The following SEMA4D variants were observed in gnomAD, a reference collection of about 807,000 sequenced individuals.
The protein encoded by SEMA4D is semaphorin 4D.
A neutral mutation model predicts 74.8 loss-of-function variants in SEMA4D; 22 were observed. The ratio of observed to expected loss-of-function variants is 0.29; its 90% CI spans 0.21 to 0.42. The LOEUF (loss-of-function observed/expected upper bound fraction) is 0.42, where lower values mean the gene tolerates loss of function less well. SEMA4D is among the 10% of genes least tolerant of loss of function. The pLI is 1.00. For missense variants in SEMA4D, 937 were observed against 1,118.4 expected (o/e 0.84, Z 2.31); for synonymous variants, 445 against 463.7 (o/e 0.96, Z 0.52).
intron 2 of SEMA4D, chr9:89,418,470 A>G (rs1241452789): frequency 2.1e-6 from 2 of 958,178 alleles, no homozygotes; most frequent in African/African-American, 1.8e-5. Flanking sequence ...CTAATTGTCT[A>G]TTAGCTCCAG....
At chr9:89,399,887 A>T (rs1322725619) in intron 4 of SEMA4D, among the ~76,000 whole-genome samples, 1 of 151,484 alleles carries the variant, frequency 6.6e-6, no homozygotes, top group African/African-American at 2.4e-5. Context: ...AATCCCAGCT[A>T]CTCGAGAGGC....
downstream of SEMA4D, among the ~76,000 whole-genome samples, chr9:89,374,611 T>C (rs1294144636): frequency 6.6e-6 from 1 of 152,216 alleles, no homozygotes; most frequent in Non-Finnish European, 1.5e-5. Context: ...TTAAATGCCC[T>C]GTGGTTGAAA....
intron 2 of SEMA4D, among the ~76,000 whole-genome samples, chr9:89,453,682 G>C (rs58635427): frequency 0.041 from 6,166 of 152,214 alleles, 254 homozygotes; most frequent in Middle Eastern, 0.11. Flanking sequence ...TGGCCGTGCT[G>C]TCTCCAGGAC....
At chr9:89,479,784 G>C (rs964841097) in intron 1 of SEMA4D, 1 of 167,168 alleles carries the variant, frequency 6.0e-6, no homozygotes, top group East Asian at 1.8e-4. Flanking sequence ...AGATCTTCGC[G>C]GTGAGTGTTA....
At chr9:89,446,989 C>T (rs1474551078) in intron 2 of SEMA4D, among the ~76,000 whole-genome samples, 1 of 152,166 alleles carries the variant, frequency 6.6e-6, no homozygotes, top group African/African-American at 2.4e-5. Context: ...CCTTCCAAAT[C>T]CTGCCATGTG....
At chr9:89,444,879 G>A (rs1587939813) in intron 2 of SEMA4D, among the ~76,000 whole-genome samples, 1 of 152,112 alleles carries the variant, frequency 6.6e-6, no homozygotes, top group Non-Finnish European at 1.5e-5. Flanking sequence ...TTTCCAAGCA[G>A]AAGAAAGAAG....
At chr9:89,437,187 GC>G (rs777957608) in intron 2 of SEMA4D, among the ~76,000 whole-genome samples, 6 of 152,214 alleles carry the variant, frequency 3.9e-5, no homozygotes, top group Non-Finnish European at 5.9e-5. Context: ...TGCTCTGCGG[GC>G]CAGCATGCCC....
intron 16 of SEMA4D, among the ~76,000 whole-genome samples, chr9:89,372,175 A>G (rs1468136854): frequency 4.1e-4 from 5 of 12,238 alleles, no homozygotes; most frequent in Admixed American, 1.4e-3. Flanking sequence ...GGGGGGTGTG[A>G]TGGGTGTGGT....
chr9:89,384,066 C>T (rs968476145), intron 13 of SEMA4D, among the ~76,000 whole-genome samples: 1 of 152,184 alleles, frequency 6.6e-6, no homozygotes, highest in African/African-American at 2.4e-5. Flanking sequence ...AGCTCAGCAT[C>T]CCAAGGAGTC....
chr9:89,455,046 T>TGG (rs1185285128), intron 2 of SEMA4D, among the ~76,000 whole-genome samples: 1 of 151,926 alleles, frequency 6.6e-6, no homozygotes, highest in Non-Finnish European at 1.5e-5. Flanking sequence ...TGGGAGGGGG[T>TGG]GGGGACAGGG....
intron 1 of SEMA4D, among the ~76,000 whole-genome samples, chr9:89,478,199 T>A (rs1862243025): frequency 6.6e-6 from 1 of 152,068 alleles, no homozygotes; most frequent in Non-Finnish European, 1.5e-5. Context: ...TGCAATCTTG[T>A]TTGCAAAAAG....
At chr9:89,461,554 G>T (rs978676095) in intron 1 of SEMA4D, among the ~76,000 whole-genome samples, 2 of 152,220 alleles carry the variant, frequency 1.3e-5, no homozygotes, top group Non-Finnish European at 2.9e-5. Flanking sequence ...GGCACCACAG[G>T]AAGGCTGCCA....
intron 2 of SEMA4D, among the ~76,000 whole-genome samples, chr9:89,438,278 TG>T (rs1850898775): frequency 1.3e-5 from 2 of 152,232 alleles, no homozygotes; most frequent in Admixed American, 1.3e-4. Flanking sequence ...AGTGAAGGGC[TG>T]GGGGCCTCAG....
At chr9:89,442,130 CTTCCCTT>C (rs879744236) in intron 2 of SEMA4D, among the ~76,000 whole-genome samples, 11,062 of 152,208 alleles carry the variant, frequency 0.073, 601 homozygotes, top group East Asian at 0.29. Flanking sequence ...GGGCTGTTTC[CTTCCCTT>C]TTCCCCTGGC....
At chr9:89,436,991 C>T (rs1281192522) in intron 2 of SEMA4D, among the ~76,000 whole-genome samples, 1 of 152,236 alleles carries the variant, frequency 6.6e-6, no homozygotes, top group Non-Finnish European at 1.5e-5. Flanking sequence ...CTCTCATGTC[C>T]AGCCTTGGAC....
At chr9:89,386,559 TCA>T (rs1838555033) in intron 12 of SEMA4D, 77 bp from the exon 13 acceptor site, 1 of 817,244 alleles carries the variant, frequency 1.2e-6, no homozygotes, top group Non-Finnish European at 2.1e-6. Flanking sequence ...GCGGCAAACT[TCA>T]CACTCTTCAC....
intron 2 of SEMA4D, among the ~76,000 whole-genome samples, chr9:89,406,273 C>G (rs778969255): frequency 2.6e-5 from 4 of 152,202 alleles, no homozygotes; most frequent in Non-Finnish European, 4.4e-5. Context: ...CCTCACCACG[C>G]AGGAGTGTCT....
At chr9:89,403,108 G>A (rs1465001446) in intron 3 of SEMA4D, 92 bp from the exon 4 acceptor site, 6 of 1,429,002 alleles carry the variant, frequency 4.2e-6, no homozygotes, top group Admixed American at 1.8e-5. Context: ...CCCTGTCTCA[G>A]TGACAATGAG....
chr9:89,468,703 G>A (rs1859383615), intron 1 of SEMA4D, among the ~76,000 whole-genome samples: 1 of 152,136 alleles, frequency 6.6e-6, no homozygotes, highest in African/African-American at 2.4e-5. Context: ...CCCCCTCTAA[G>A]TGGTGGCTGC....
Sources: allele counts gnomAD v4.1 joint callset (sites outside exome capture counted in the v4.1 genomes callset), GRCh38; gene constraint gnomAD v4.1.1; transcripts MANE v1.5; gene names NCBI Gene and HGNC (gene_info 2026-07-23, HGNC 2026-07-21).